Variants in PRPF40B observed in about 807,000 individuals in gnomAD.
PRPF40B encodes pre-mRNA-processing factor 40 homolog B.
In PRPF40B, 56 loss-of-function variants were observed where a neutral mutation model predicts 124.5. That is an observed-to-expected ratio of 0.45 (90% CI 0.36 to 0.56). PRPF40B has a LOEUF of 0.56. PRPF40B is among the 20% of genes least tolerant of loss of function. The pLI, the probability that PRPF40B is intolerant of heterozygous loss-of-function variation, is 0.00. For synonymous variants in PRPF40B, 443 were observed against 426.4 expected, an observed-to-expected ratio of 1.04 and a Z score of -0.48; for missense variants, 1,053 against 1,169.5, an observed-to-expected ratio of 0.90 and a Z score of 1.45.
intron 15 of PRPF40B, 147 bp downstream of exon 15, chr12:49,636,140 C>T: frequency 1.0e-6 from 1 of 998,998 alleles, no homozygotes; most frequent in East Asian, 2.6e-5. Flanking sequence ...CCTTGTACCT[C>T]TTTGGACTCC....
At chr12:49,640,885 A>G (rs8626) in intron 18 of PRPF40B, 37,831 of 152,134 alleles carry the variant, frequency 0.25, 7,593 homozygotes, top group African/African-American at 0.56. Flanking sequence ...AGCCAGTAAC[A>G]AGGGTGACTT....
intron 18 of PRPF40B, 106 bp from the exon 19 acceptor site, chr12:49,641,802 T>A (rs1264732994): frequency 2.2e-6 from 2 of 895,930 alleles, no homozygotes; most frequent in African/African-American, 3.3e-5. Context: ...GTGGATCTCT[T>A]CCAGAGGCAA....
rs771402780 is a variant in PRPF40B, at chr12:49,642,654, G to C, written c.2097G>C (p.Arg699=). 4 of 1,614,146 alleles carry C rather than the reference G, an allele frequency of 2.5e-6. No homozygotes were observed. In the South Asian group the frequency reaches 4.4e-5, roughly 18 times the overall value. The part of the protein sequence containing the change: ...TLESERIRLF[R]EFLQVLETEC... ...AGTCGGAGCGGATCCGGCTCTTCCG[G>C]GAGTTCCTACAGGTGCTGGAGGTGA... Residue 699 remains arginine (R), a synonymous_variant, in exon 21 of 26, where the codon CGG becomes CGC. Transcript: ENST00000548825. The surrounding 1 kb of genome is among the most constrained non-coding windows in gnomAD (Gnocchi z 5.8).
chr12:49,632,248 TCAGTAGCA>T lies in PRPF40B; in HGVS notation c.294+325_294+332del. 5 of 577,236 alleles carry T rather than the reference TCAGTAGCA, an allele frequency of 8.7e-6. No homozygotes were observed. In the South Asian group the frequency reaches 1.1e-4, roughly 13 times the overall value. 35.8% of individuals were successfully genotyped at this position (577,236 alleles called of 1,614,324 possible). A position where few individuals can be genotyped will look rare whatever the true frequency, so the allele number is the denominator to read the frequency against. ...CACATCCTCTTTGTCCCCAGAAGAG[TCAGTAGCA>T]CCTGGGGATCTTGCTGTGCCTTCTT... On this transcript the variant is annotated intron_variant, in intron 4 of 25. Transcript: ENST00000548825.
At chr12:49,630,524 G>A in intron 1 of PRPF40B, 21 bp from the exon 2 acceptor site, 1 of 1,261,932 alleles carries the variant, frequency 7.9e-7, no homozygotes, top group Non-Finnish European at 1.1e-6. Context: ...TGGGTCCTAT[G>A]ACTTTTCTCT....
In PRPF40B at chr12:49,642,842, G is replaced by C; in HGVS notation, c.2119-88G>C. ...AGGCAGAAGGCTCTAGTCTGAGAAA[G>C]GGAGGCAAAGCCAGATTTTAGGAAG... On this transcript the variant is annotated intron_variant, in intron 21 of 25. Coordinates refer to ENST00000548825, the MANE Select transcript of PRPF40B (RefSeq NM_001031698.3). The surrounding 1 kb of genome is among the most constrained non-coding windows in gnomAD (Gnocchi z 5.8). The C allele has an allele frequency of 6.8e-7, 1 of 1,477,234 alleles. No homozygotes were observed. The highest frequency in any genetic ancestry group is 9.3e-7 in the Non-Finnish European group (1 of 1,080,670). 91.5% of individuals were successfully genotyped at this position (1,477,234 alleles called of 1,614,324 possible).
intron 23 of PRPF40B, 32 bp from the exon 24 acceptor site, chr12:49,643,659 T>C: frequency 6.2e-7 from 1 of 1,605,166 alleles, no homozygotes. Context: ...CTTTCTCCTG[T>C]TGGGACTTAG....
At chr12:49,637,010 G>C (rs548343320) in intron 16 of PRPF40B, 161 bp downstream of exon 16, 1 of 1,080,578 alleles carries the variant, frequency 9.3e-7, no homozygotes, top group Non-Finnish European at 1.3e-6. Context: ...TGTTTCTGCT[G>C]TACCTCCTCA....
intron 1 of PRPF40B, among the ~76,000 whole-genome samples, chr12:49,628,646 A>G (rs1940950380): frequency 6.7e-6 from 1 of 149,494 alleles, no homozygotes; most frequent in East Asian, 2.0e-4. Flanking sequence ...GGCTCACTGC[A>G]AACTCCGCCT....
Position 49,644,304 on chromosome 12 carries a change from AG to A in PRPF40B, c.*113del. 8.2e-7 allele frequency: 1 copy of A among 1,214,570 alleles called. No individual in the cohort carries two copies. Among genetic ancestry groups the A allele is most frequent in the East Asian group, 2.5e-5 (1 of 39,570 alleles). The allele number at this position is 1,214,570 out of a possible 1,614,324, so 75.2% of individuals were successfully genotyped here. On this transcript the variant is annotated 3_prime_UTR_variant, in exon 26 of 26. Transcript: ENST00000548825. ...TCTGGTCTGTGTCCACTTTTTCTAA[AG>A]TAACCCCACCCCCAGCACACCATTG...
At chr12:49,629,099 G>A (rs949849887) in intron 1 of PRPF40B, among the ~76,000 whole-genome samples, 2 of 152,132 alleles carry the variant, frequency 1.3e-5, no homozygotes, top group African/African-American at 4.8e-5. Context: ...TTTTGAATGG[G>A]CAATATAGTC....
intron 7 of PRPF40B, 91 bp downstream of exon 7, chr12:49,633,215 T>C: frequency 1.5e-6 from 2 of 1,292,926 alleles, no homozygotes; most frequent in Non-Finnish European, 2.2e-6. Context: ...ATATTCATGA[T>C]GGTTCCTCTG....
At chr12:49,629,582 G>T (rs1941038424) in intron 1 of PRPF40B, among the ~76,000 whole-genome samples, 1 of 152,200 alleles carries the variant, frequency 6.6e-6, no homozygotes, top group African/African-American at 2.4e-5. Context: ...TAGGTACCAG[G>T]AATACAGCTT....
Position 49,643,982 on chromosome 12 carries a change from G to T in PRPF40B, c.2564G>T (p.Gly855Val). The change falls in exon 25 of 26, where the codon GGC becomes GTC. Residue 855 changes from glycine (G) to valine (V), a missense_variant. Physicochemically the swap from Gly to Val is moderately radical, Grantham distance 109. This residue lies in a region of PRPF40B where 895 missense variants were observed against 1,052.2 expected (regional missense o/e 0.85). Transcript: ENST00000548825. Reference protein sequence around the residue: ...QQAELPNRSPGFGIKKEKTGW... With the variant: ...QQAELPNRSPVFGIKKEKTGW... ...GCAGAGCTCCCTAACCGTTCCCCAG[G>T]CTTTGGAATCAAGAAGGAGAAGGTG... 6.2e-7 allele frequency: 1 copy of T among 1,614,170 alleles called. No individual in the cohort carries two copies. The highest frequency in any genetic ancestry group is 8.5e-7 in the Non-Finnish European group (1 of 1,180,024).
chr12:49,643,437 G>C (rs1284813797), intron 23 of PRPF40B, 40 bp downstream of exon 23: 9 of 1,525,944 alleles, frequency 5.9e-6, no homozygotes, highest in Non-Finnish European at 7.9e-6. Flanking sequence ...GAGAACTGTT[G>C]TCCCAGACTG....
chr12:49,636,171 GGACACCCCT>G (rs1451080248), intron 15 of PRPF40B, among the ~76,000 whole-genome samples, 178 bp downstream of exon 15: 1 of 152,120 alleles, frequency 6.6e-6, no homozygotes, highest in Non-Finnish European at 1.5e-5. Context: ...GAATGTTTCA[GGACACCCCT>G]CCCTCTGGGG....
chr12:49,634,589 G>C lies in PRPF40B; in HGVS notation c.988G>C (p.Asp330His), dbSNP rs993061342. 5.0e-6 allele frequency: 8 copies of C among 1,614,118 alleles called. No individual in the cohort carries two copies. Among genetic ancestry groups the C allele is most frequent in the Non-Finnish European group, 6.8e-6 (8 of 1,180,014 alleles). ...ACAGGCCATGAAGATGGTGGTCACC[G>C]ACCCCCGTTACAGGTAGGCCTGGGC... is the stretch of plus-strand genomic sequence containing the variant. ...WEQAMKMVVT[D>H]PRYSALPKLS... is the part of the protein sequence containing the mutation. Residue 330 changes from aspartate (D) to histidine (H), a missense_variant, in exon 12 of 26, where the codon GAC becomes CAC. Physicochemically the swap from Asp to His is moderately conservative, Grantham distance 81. This residue lies in a region of PRPF40B where 895 missense variants were observed against 1,052.2 expected (regional missense o/e 0.85). Coordinates refer to ENST00000548825, the MANE Select transcript of PRPF40B (RefSeq NM_001031698.3).
chr12:49,643,152 C>G, intron 22 of PRPF40B, 71 bp from the exon 23 acceptor site: 1 of 1,596,674 alleles, frequency 6.3e-7, no homozygotes, highest in Non-Finnish European at 8.6e-7. Context: ...CCTCCTCTCT[C>G]GAATTCCCAG....
At chr12:49,633,366 C>A in intron 7 of PRPF40B, 61 bp from the exon 8 acceptor site, 3 of 1,608,396 alleles carry the variant, frequency 1.9e-6, no homozygotes, top group Non-Finnish European at 2.5e-6. Flanking sequence ...CCCCTTAGCT[C>A]CCCTGACTGG....
Sources: allele counts gnomAD v4.1 joint callset (sites outside exome capture counted in the v4.1 genomes callset), GRCh38; gene constraint gnomAD v4.1.1; regional missense constraint gnomAD v4.1.1; non-coding constraint Gnocchi (gnomAD v3.1); transcripts MANE v1.5; gene names NCBI Gene and HGNC (gene_info 2026-07-23, HGNC 2026-07-21).